The following ZFP41 variants were observed in gnomAD, a reference collection of about 807,000 sequenced individuals.
The protein encoded by ZFP41 is zinc finger protein 41 homolog.
In ZFP41, 10 loss-of-function variants were observed where a neutral mutation model predicts 11.6. The ratio of observed to expected loss-of-function variants is 0.86; its 90% CI spans 0.53 to 1.47. The LOEUF (loss-of-function observed/expected upper bound fraction) is 1.47. Among genes scored for constraint, ZFP41 ranks in the 40% most tolerant of loss-of-function variants. ZFP41 has a pLI of 0.00. For missense variants in ZFP41, 302 were observed against 264.6 expected (o/e 1.14, Z -0.98); for synonymous variants, 123 against 100.9 (o/e 1.22, Z -1.31).
Position 143,247,124 on chromosome 8 carries a change from G to C in ZFP41, c.-173G>C, listed in dbSNP as rs1409300318. The C allele has an allele frequency of 6.6e-6, 1 of 152,392 alleles. No individual in the cohort carries two copies. Among genetic ancestry groups the C allele is most frequent in the Admixed American group, 6.5e-5 (1 of 15,290 alleles). 9.4% of individuals were successfully genotyped at this position (152,392 alleles called of 1,614,324 possible). Reference sequence around the variant, plus strand: ...CGCTCTGCAGCGGGAGGTCCTCGTCGCCTCTCGTCTCCAGCCAGGTACTCA... The same window carrying C: ...CGCTCTGCAGCGGGAGGTCCTCGTCCCCTCTCGTCTCCAGCCAGGTACTCA... On this transcript the variant is annotated 5_prime_UTR_variant, in exon 1 of 3. Coordinates refer to ENST00000330701, the MANE Select transcript of ZFP41 (RefSeq NM_173832.6).
At position 143,250,411 on chromosome 8, in the gene ZFP41, C is replaced by G. The variant is rs1816782134; in HGVS notation, c.568C>G (p.Gln190Glu). The G allele has an allele frequency of 3.1e-6, 5 of 1,611,876 alleles. No individual in the cohort carries two copies. The highest frequency in any genetic ancestry group is 3.4e-6 in the Non-Finnish European group (4 of 1,178,522). The change falls in exon 2 of 3, where the codon CAG (glutamine) becomes GAG (glutamate). Residue 190 changes from glutamine (Q) to glutamate (E), a missense_variant. Gln to Glu is a conservative substitution (Grantham distance 29). Transcript: ENST00000330701. ...CTACAGCTCCTGTCTCATCCGCCAT[C>G]AGAAACGCCACCCTCGGAAGAAGCC... ...FAYSSCLIRHQKRHPRKKP is the reference protein window; with the variant it reads ...FAYSSCLIRHEKRHPRKKP
chr8:143,261,229 A>G lies in ZFP41; in HGVS notation c.*2355A>G, dbSNP rs1416601994. The stretch of plus-strand genomic sequence containing the variant: ...GGTTTCATTCCCAGTGACCTCTCCT[A>G]TTGGTCCCCATTTGGGGCGCTGAGA... On this transcript the variant is annotated 3_prime_UTR_variant, in exon 3 of 3. Coordinates refer to ENST00000330701, the MANE Select transcript of ZFP41 (RefSeq NM_173832.6). 1.3e-5 allele frequency: 2 copies of G among 152,352 alleles called. No homozygotes were observed. Among genetic ancestry groups the G allele is most frequent in the East Asian group, 1.9e-4 (1 of 5,172 alleles). 9.4% of individuals were successfully genotyped at this position (152,352 alleles called of 1,614,324 possible). A position where few individuals can be genotyped will look rare whatever the true frequency, so the allele number is the denominator to read the frequency against.
Position 143,260,979 on chromosome 8 carries a change from G to T in ZFP41, c.*2105G>T, listed in dbSNP as rs1815024459. 6.6e-6 allele frequency: 1 copy of T among 152,488 alleles called. No homozygotes were observed. The highest frequency in any genetic ancestry group is 2.4e-5 in the African/African-American group (1 of 41,466). The allele number at this position is 152,488 out of a possible 1,614,324, so 9.4% of individuals were successfully genotyped here. On this transcript the variant is annotated 3_prime_UTR_variant, in exon 3 of 3. Coordinates refer to ENST00000330701, the MANE Select transcript of ZFP41 (RefSeq NM_173832.6). ...ATCCATCCCTGCAGGTCCCATCCCT[G>T]AGCCATTTCTCAGGAGAGCAGGAAG... is the stretch of plus-strand genomic sequence containing the variant.
At chr8:143,249,054 T>G (rs1816743854) in intron 1 of ZFP41, 1 of 152,084 alleles carries the variant, frequency 6.6e-6, no homozygotes, top group Non-Finnish European at 1.5e-5. Flanking sequence ...CTACCTAGGG[T>G]CAACCCTGGC....
At chr8:143,255,713 G>T (rs1312310240) in intron 2 of ZFP41, among the ~76,000 whole-genome samples, 1 of 133,624 alleles carries the variant, frequency 7.5e-6, no homozygotes, top group Non-Finnish European at 1.6e-5. Context: ...GCTGGTGTTA[G>T]TGAGATCACG....
intron 1 of ZFP41, chr8:143,249,430 G>T (rs759178553): frequency 1.2e-5 from 2 of 166,620 alleles, no homozygotes; most frequent in Non-Finnish European, 2.6e-5. Flanking sequence ...AGGGCAGTTG[G>T]TGGGTACATC....
chr8:143,252,757 GTGGT>G, intron 2 of ZFP41: 4 of 473,542 alleles, frequency 8.4e-6, no homozygotes, highest in Non-Finnish European at 1.1e-5. Context: ...CCCCGGGGCT[GTGGT>G]CAGCCCACTG....
rs901458783 is a variant in ZFP41 at position 143,262,489 on chromosome 8, A to C, written c.*3615A>C. 3 of 152,346 alleles carry C rather than the reference A, an allele frequency of 2.0e-5. No individual in the cohort carries two copies. Among genetic ancestry groups the C allele is most frequent in the African/African-American group, 7.2e-5 (3 of 41,460 alleles). 9.4% of individuals were successfully genotyped at this position (152,346 alleles called of 1,614,324 possible). On this transcript the variant is annotated 3_prime_UTR_variant, in exon 3 of 3. Coordinates refer to ENST00000330701, the MANE Select transcript of ZFP41 (RefSeq NM_173832.6). ...GCCAAAGCTGCTGAGCATTACTCTG[A>C]TAGACCATCAGTCCTTGGTAAGTGT...
chr8:143,251,513 T>C (rs757242664), intron 2 of ZFP41, among the ~76,000 whole-genome samples, 173 bp downstream of exon 2: 1 of 152,100 alleles, frequency 6.6e-6, no homozygotes, highest in Non-Finnish European at 1.5e-5. Context: ...GGAGGTAAGG[T>C]TTTTTATTGG....
intron 2 of ZFP41, among the ~76,000 whole-genome samples, chr8:143,252,125 C>A (rs1160486337): frequency 6.6e-6 from 1 of 152,234 alleles, no homozygotes; most frequent in Non-Finnish European, 1.5e-5. Context: ...TAGCCTAGAA[C>A]TGGAAAATAA....
chr8:143,259,320 C>T (rs949313624), intron 2 of ZFP41, among the ~76,000 whole-genome samples: 2 of 152,142 alleles, frequency 1.3e-5, no homozygotes, highest in African/African-American at 4.8e-5. Context: ...ACATGTGGTC[C>T]AACTGCAGAG....
rs1305060421 is a variant in ZFP41 at position 143,250,453 on chromosome 8, T to A, written c.*13T>A. The A allele has an allele frequency of 6.2e-7, 1 of 1,604,456 alleles. No homozygotes were observed. The highest frequency in any genetic ancestry group is 1.7e-5 in the Admixed American group (1 of 59,682). On this transcript the variant is annotated 3_prime_UTR_variant, in exon 2 of 3. Coordinates refer to ENST00000330701, the MANE Select transcript of ZFP41 (RefSeq NM_173832.6). The stretch of plus-strand genomic sequence containing the variant: ...GAAGAAGCCCTGAGCCGGGGCCATC[T>A]GCGGACTCGGGCCCTGCGGTGCGAG...
intron 2 of ZFP41, among the ~76,000 whole-genome samples, chr8:143,259,553 C>G (rs1427618869): frequency 6.6e-6 from 1 of 152,218 alleles, no homozygotes; most frequent in Admixed American, 6.5e-5. Flanking sequence ...CTGGTGCCAT[C>G]CAGCCCTGGG....
At chr8:143,259,402 G>A (rs1007662299) in intron 2 of ZFP41, among the ~76,000 whole-genome samples, 11 of 152,212 alleles carry the variant, frequency 7.2e-5, no homozygotes, top group South Asian at 2.1e-4. Context: ...GTGGTATCTC[G>A]CGCTTAAACC....
At chr8:143,256,340 A>T (rs7816473) in intron 2 of ZFP41, among the ~76,000 whole-genome samples, 13 of 58,954 alleles carry the variant, frequency 2.2e-4, no homozygotes, top group South Asian at 1.2e-3. Context: ...ATCAGGGCTC[A>T]CCCCGCGTGC....
intron 2 of ZFP41, among the ~76,000 whole-genome samples, chr8:143,259,521 C>G (rs567799199): frequency 2.0e-5 from 3 of 152,282 alleles, no homozygotes; most frequent in African/African-American, 7.2e-5. Context: ...TTTTAGAAAA[C>G]AGGGAGCACT....
At chr8:143,252,606 C>T (rs1207368561) in intron 2 of ZFP41, 3 of 984,172 alleles carry the variant, frequency 3.0e-6, no homozygotes, top group African/African-American at 3.5e-5. Flanking sequence ...GGAAGCACGG[C>T]CTTCGTGGCT....
At position 143,250,467 on chromosome 8, in the gene ZFP41, C is replaced by G; in HGVS notation, c.*27C>G. On this transcript the variant is annotated 3_prime_UTR_variant, in exon 2 of 3. Coordinates refer to ENST00000330701, the MANE Select transcript of ZFP41 (RefSeq NM_173832.6). ...CCGGGGCCATCTGCGGACTCGGGCCCTGCGGTGCGAGCCTCGCCGGACACC... is the reference window on the plus strand; with the variant it reads ...CCGGGGCCATCTGCGGACTCGGGCCGTGCGGTGCGAGCCTCGCCGGACACC... The G allele has an allele frequency of 6.3e-7, 1 of 1,596,960 alleles. No individual in the cohort carries two copies. Among genetic ancestry groups the G allele is most frequent in the African/African-American group, 1.3e-5 (1 of 74,614 alleles).
chr8:143,247,615 G>A (rs1468898258), intron 1 of ZFP41: 4 of 152,248 alleles, frequency 2.6e-5, no homozygotes, highest in Admixed American at 2.6e-4. Context: ...CAAGTGAAGG[G>A]TCCTCCGCCC....
Sources: allele counts gnomAD v4.1 joint callset (sites outside exome capture counted in the v4.1 genomes callset), GRCh38; gene constraint gnomAD v4.1.1; transcripts MANE v1.5; gene names NCBI Gene and HGNC (gene_info 2026-07-23, HGNC 2026-07-21).